ANO10: variants seen among roughly 807,000 people sequenced by gnomAD.
The protein encoded by ANO10 is anoctamin 10.
A neutral mutation model predicts 74.7 loss-of-function variants in ANO10; 77 were observed. The ratio of observed to expected loss-of-function variants is 1.03; its 90% CI spans 0.86 to 1.25. The LOEUF is 1.25. Among genes scored for constraint, ANO10 ranks in the 50% most tolerant of loss-of-function variants. ANO10 has a pLI of 0.00. For synonymous variants in ANO10, 279 were observed against 284.9 expected (o/e 0.98, Z 0.21); for missense variants, 721 against 778.1 (o/e 0.93, Z 0.87).
chr3:43,683,876 T>C (rs377692431), intron 1 of ANO10, among the ~76,000 whole-genome samples: 12,705 of 152,172 alleles, frequency 0.083, 733 homozygotes, highest in South Asian at 0.21. Context: ...TGGCTAGCCA[T>C]ATGTAGAAAG....
At chr3:43,520,656 C>T (rs1480235243) in intron 11 of ANO10, among the ~76,000 whole-genome samples, 2 of 152,092 alleles carry the variant, frequency 1.3e-5, no homozygotes, top group African/African-American at 4.8e-5. Context: ...TATTTTACTA[C>T]ATGGGCATTC....
At chr3:43,528,123 C>T (rs2149239718) in intron 11 of ANO10, among the ~76,000 whole-genome samples, 1 of 151,764 alleles carries the variant, frequency 6.6e-6, no homozygotes, top group East Asian at 1.9e-4. Context: ...ACTAAAAAAA[C>T]TCAGTAAGCT....
At chr3:43,419,121 AC>A (rs1440645004) in intron 12 of ANO10, among the ~76,000 whole-genome samples, 1 of 152,238 alleles carries the variant, frequency 6.6e-6, no homozygotes, top group African/African-American at 2.4e-5. Flanking sequence ...AGGCTTCTAC[AC>A]TGGCTGGCTG....
At chr3:43,681,312 A>C (rs1450497458) in intron 1 of ANO10, among the ~76,000 whole-genome samples, 1 of 152,088 alleles carries the variant, frequency 6.6e-6, no homozygotes, top group Non-Finnish European at 1.5e-5. Flanking sequence ...TAAACCAACA[A>C]AGATCAGAAG....
intron 1 of ANO10, among the ~76,000 whole-genome samples, chr3:43,629,266 A>G (rs1330482004): frequency 1.3e-5 from 2 of 152,334 alleles, no homozygotes; most frequent in African/African-American, 2.4e-5. Flanking sequence ...TGAGATAAAC[A>G]TATTTTATAA....
At chr3:43,558,305 A>C (rs2079859687) in intron 9 of ANO10, among the ~76,000 whole-genome samples, 1 of 152,198 alleles carries the variant, frequency 6.6e-6, no homozygotes, top group African/African-American at 2.4e-5. Flanking sequence ...ACTGTGCAGC[A>C]ATATGATGTT....
At chr3:43,534,061 C>T (rs1485206059) in intron 11 of ANO10, among the ~76,000 whole-genome samples, 1 of 152,168 alleles carries the variant, frequency 6.6e-6, no homozygotes, top group Non-Finnish European at 1.5e-5. Context: ...AATTTGTTGA[C>T]TGGGAGACAG....
chr3:43,481,811 G>C (rs2149087626), intron 11 of ANO10, among the ~76,000 whole-genome samples: 1 of 152,168 alleles, frequency 6.6e-6, no homozygotes, highest in African/African-American at 2.4e-5. Flanking sequence ...GGAAGCCAGA[G>C]GCTTTCCAAA....
intron 12 of ANO10, among the ~76,000 whole-genome samples, chr3:43,409,989 T>C (rs1183085068): frequency 1.3e-5 from 2 of 152,208 alleles, no homozygotes; most frequent in East Asian, 3.8e-4. Flanking sequence ...ATGTAGTGAT[T>C]TGAGTCCTTC....
chr3:43,399,916 A>T (rs964340039), intron 12 of ANO10, among the ~76,000 whole-genome samples: 1 of 151,794 alleles, frequency 6.6e-6, no homozygotes, highest in African/African-American at 2.4e-5. Context: ...AATTTTCCTC[A>T]TTTTGGGGAA....
chr3:43,578,009 C>T (rs1354881756), intron 5 of ANO10, among the ~76,000 whole-genome samples: 1 of 152,146 alleles, frequency 6.6e-6, no homozygotes, highest in Non-Finnish European at 1.5e-5. Flanking sequence ...ATAAGAGCAT[C>T]TTGTACCAGG....
intron 11 of ANO10, among the ~76,000 whole-genome samples, chr3:43,549,146 A>C (rs906208395): frequency 6.6e-6 from 1 of 151,872 alleles, no homozygotes; most frequent in Admixed American, 6.6e-5. Context: ...TCTGTTGCCC[A>C]GGCTGGAGTG....
At chr3:43,642,992 A>T (rs2083686047) in intron 1 of ANO10, among the ~76,000 whole-genome samples, 1 of 151,870 alleles carries the variant, frequency 6.6e-6, no homozygotes, top group Non-Finnish European at 1.5e-5. Flanking sequence ...ACCTTGTGCA[A>T]ATGTTACTGA....
Position 43,555,291 on chromosome 3 carries a change from A to G in ANO10, c.1655T>C (p.Ile552Thr). ...TCAAACAATTACCTGCCACACACCA[A>G]TATTGGCTGAAGGTTCTGAGAATGG... ...KRPFSEPSAN[I>T]GVWQLAFETM... is the part of the protein sequence containing the mutation. Residue 552 changes from isoleucine to threonine, a missense_variant, in exon 10 of 13, where the codon ATT becomes ACT. Ile to Thr is a moderately conservative substitution (Grantham distance 89). Coordinates refer to ENST00000292246, the MANE Select transcript of ANO10 (RefSeq NM_018075.5). 6.2e-7 allele frequency: 1 copy of G among 1,614,072 alleles called. No individual in the cohort carries two copies.
intron 12 of ANO10, among the ~76,000 whole-genome samples, chr3:43,427,138 G>GA (rs538627349): frequency 1.9e-3 from 290 of 151,032 alleles, no homozygotes; most frequent in African/African-American, 4.1e-3. Context: ...TTCATTTTAT[G>GA]AAAAAAAAAT....
chr3:43,549,108 A>T lies in ANO10; in HGVS notation c.1797+612T>A, dbSNP rs1030603159. On this transcript the variant is annotated intron_variant, in intron 11 of 12. Transcript: ENST00000292246. ...TGTATGGAATTTGATTTTGAATAGG[A>T]TTTTTTTTTTAAGGGACAGTGTCTC... Among the ~76,000 whole-genome samples the T allele has an allele frequency of 4.7e-5, 7 of 150,184 alleles. 1 individual carries two copies. Among genetic ancestry groups the T allele is most frequent in the Admixed American group, 4.7e-4 (7 of 15,036 alleles).
intron 11 of ANO10, among the ~76,000 whole-genome samples, chr3:43,449,050 T>C (rs2148990116): frequency 6.6e-6 from 1 of 152,142 alleles, no homozygotes; most frequent in South Asian, 2.1e-4. Context: ...CTAAGTTTTG[T>C]ATTTTTAATA....
intron 11 of ANO10, among the ~76,000 whole-genome samples, chr3:43,484,638 C>G (rs1415870025): frequency 6.6e-6 from 1 of 152,140 alleles, no homozygotes; most frequent in Admixed American, 6.5e-5. Flanking sequence ...TCTATTTTAT[C>G]AGTCTAATAA....
intron 11 of ANO10, chr3:43,484,931 C>G: frequency 1.2e-6 from 1 of 802,542 alleles, no homozygotes; most frequent in Non-Finnish European, 2.0e-6. Flanking sequence ...CCGGGGCGTT[C>G]CTGAGTTTAT....
Sources: gnomAD v4.1 joint callset for allele counts (sites outside exome capture counted in the v4.1 genomes callset) on GRCh38, gnomAD v4.1.1 for gene constraint, MANE v1.5 for transcripts, NCBI Gene and HGNC (gene_info 2026-07-23, HGNC 2026-07-21) for gene names.